ZGPAT: variants seen among roughly 807,000 people sequenced by gnomAD.
The protein encoded by ZGPAT is zinc finger CCCH-type with G patch domain-containing protein.
ZGPAT carries 39 observed loss-of-function variants against 47.9 expected under a neutral mutation model. The observed-to-expected ratio is 0.81, with a 90% CI of 0.63 to 1.06. The LOEUF (loss-of-function observed/expected upper bound fraction) is 1.06, where lower values mean the gene tolerates loss of function less well. ZGPAT is among the 50% of genes least tolerant of loss of function. The pLI, the probability that ZGPAT is intolerant of heterozygous loss-of-function variation, is 0.00. For synonymous variants in ZGPAT, 348 were observed against 292.9 expected, an observed-to-expected ratio of 1.19 and a Z score of -1.92; for missense variants, 717 against 681.4, an observed-to-expected ratio of 1.05 and a Z score of -0.58.
At chr20:63,733,459 G>A (rs901315094) in intron 3 of ZGPAT, 107 bp downstream of exon 3, 2 of 1,596,264 alleles carry the variant, frequency 1.3e-6, no homozygotes, top group African/African-American at 1.3e-5. Context: ...CGGGACTCTG[G>A]CTCTGGGCCC....
intron 2 of ZGPAT, among the ~76,000 whole-genome samples, chr20:63,714,478 T>G (rs142790050): frequency 7.2e-4 from 109 of 151,852 alleles, no homozygotes; most frequent in African/African-American, 2.3e-3. Context: ...ATCTTGTTCC[T>G]GATCTTAGGT....
chr20:63,711,966 C>G (rs537214625), intron 2 of ZGPAT, among the ~76,000 whole-genome samples: 1 of 152,194 alleles, frequency 6.6e-6, no homozygotes, highest in African/African-American at 2.4e-5. Context: ...TTTGGGTTGT[C>G]TTTTCACTTG....
At chr20:63,732,355 T>C (rs1601344979) in intron 2 of ZGPAT, among the ~76,000 whole-genome samples, 1 of 143,892 alleles carries the variant, frequency 6.9e-6, no homozygotes, top group Non-Finnish European at 1.5e-5. Flanking sequence ...GGTGTGTGTG[T>C]GCATGTGTCA....
chr20:63,733,114 C>T (rs2091939753), intron 2 of ZGPAT, 105 bp from the exon 3 acceptor site: 1 of 1,465,750 alleles, frequency 6.8e-7, no homozygotes, highest in Non-Finnish European at 9.2e-7. Context: ...GCGTGTGTGT[C>T]TGTCTCCCTC....
At chr20:63,730,674 G>A (rs766342861) in intron 2 of ZGPAT, among the ~76,000 whole-genome samples, 24 of 152,062 alleles carry the variant, frequency 1.6e-4, no homozygotes, top group Non-Finnish European at 3.4e-4. Flanking sequence ...TAGTAGAGAC[G>A]GGTTTCTCCA....
chr20:63,729,555 G>C (rs1301893570), intron 2 of ZGPAT, among the ~76,000 whole-genome samples: 2 of 152,232 alleles, frequency 1.3e-5, no homozygotes, highest in Admixed American at 1.3e-4. Context: ...CCCCATCTGT[G>C]ATGCTTCCTC....
chr20:63,710,062 A>T (rs767823310), intron 2 of ZGPAT, among the ~76,000 whole-genome samples: 23 of 151,582 alleles, frequency 1.5e-4, no homozygotes, highest in Admixed American at 5.3e-4. Flanking sequence ...GGGTTTCACC[A>T]TGTTAGCCAG....
At chr20:63,731,504 C>T (rs1366282934) in intron 2 of ZGPAT, among the ~76,000 whole-genome samples, 10 of 88,572 alleles carry the variant, frequency 1.1e-4, no homozygotes, top group African/African-American at 3.5e-4. Flanking sequence ...TACAATTGGC[C>T]CTTGGTGTGT....
chr20:63,733,612 C>T lies in ZGPAT; in HGVS notation c.744C>T (p.Val248=). ...ITDVDNGYYT[V]KFDSLLLREA... ...ATGTGGACAACGGCTACTACACAGT[C>T]AAGTTTGACTCGCTGCTGCTGAGGG... The change falls in exon 4 of 7, where the codon GTC becomes GTT. Residue 248 remains valine (V), a synonymous_variant. Coordinates refer to ENST00000355969, the MANE Select transcript of ZGPAT (RefSeq NM_181485.3). The T allele has an allele frequency of 6.2e-7, 1 of 1,614,124 alleles. No homozygotes were observed.
At chr20:63,723,360 A>C (rs113740455) in intron 2 of ZGPAT, among the ~76,000 whole-genome samples, 536 of 34,368 alleles carry the variant, frequency 0.016, no homozygotes, top group Admixed American at 0.018. Context: ...CCCTTCTCCT[A>C]TGACACAGCT....
Position 63,736,035 on chromosome 20 carries a change from G to A in ZGPAT, c.*116G>A. ...TGGCCTGGGGCGTGCAGACACTGCT[G>A]AGTGGAGACAGAGCTGCGGGGTCCC... is the stretch of plus-strand genomic sequence containing the variant. On this transcript the variant is annotated 3_prime_UTR_variant, in exon 7 of 7. Transcript: ENST00000355969. 1.4e-6 allele frequency: 2 copies of A among 1,429,056 alleles called. No homozygotes were observed. Among genetic ancestry groups the A allele is most frequent in the East Asian group, 4.8e-5 (2 of 41,456 alleles). 88.5% of individuals were successfully genotyped at this position (1,429,056 alleles called of 1,614,324 possible).
chr20:63,731,462 GTA>G (rs1488203570), intron 2 of ZGPAT, among the ~76,000 whole-genome samples: 2 of 106,848 alleles, frequency 1.9e-5, no homozygotes, highest in African/African-American at 2.7e-5. Context: ...TCCTTGGTGT[GTA>G]TGTGTGCATG....
chr20:63,731,928 G>A (rs955063944), intron 2 of ZGPAT, among the ~76,000 whole-genome samples: 1 of 152,230 alleles, frequency 6.6e-6, no homozygotes, highest in Non-Finnish European at 1.5e-5. Context: ...GTGGGAAGAT[G>A]TGCGTAGGTT....
chr20:63,734,725 G>T lies in ZGPAT; in HGVS notation c.892G>T (p.Asp298Tyr). ...YARVVGSDAV[D>Y]SGTCSSAFAG... ...TGCAGTGGTGGGGTCAGATGCTGTG[G>T]ACTCTGGGACCTGCAGCTCTGCCTT... The change falls in exon 5 of 7, where the codon GAC (aspartate) becomes TAC (tyrosine). Residue 298 changes from aspartate (D) to tyrosine (Y), a missense_variant. Physicochemically the swap from Asp to Tyr is radical, Grantham distance 160. Transcript: ENST00000355969. 3 of 1,614,082 alleles carry T rather than the reference G, an allele frequency of 1.9e-6. No individual in the cohort carries two copies. Among genetic ancestry groups the T allele is most frequent in the Non-Finnish European group, 2.5e-6 (3 of 1,179,958 alleles).
chr20:63,725,255 A>G (rs944732826), intron 2 of ZGPAT, among the ~76,000 whole-genome samples: 1 of 152,210 alleles, frequency 6.6e-6, no homozygotes, highest in Non-Finnish European at 1.5e-5. Context: ...AAGTGCTGGG[A>G]TTACAGGCGT....
At chr20:63,732,836 G>A (rs1489451166) in intron 2 of ZGPAT, among the ~76,000 whole-genome samples, 1 of 152,024 alleles carries the variant, frequency 6.6e-6, no homozygotes, top group Non-Finnish European at 1.5e-5. Flanking sequence ...GTGTGCCTGT[G>A]TGAGTGCATG....
intron 6 of ZGPAT, 23 bp downstream of exon 6, chr20:63,735,587 G>C (rs747228687): frequency 2.0e-6 from 3 of 1,511,826 alleles, no homozygotes; most frequent in Non-Finnish European, 2.7e-6. Context: ...CCCAGCTCAG[G>C]GCAAAGGGCG....
In ZGPAT at chr20:63,732,516, C is replaced by T. The variant is rs75779936; in HGVS notation, c.585-703C>T. On this transcript the variant is annotated intron_variant, in intron 2 of 6. Coordinates refer to ENST00000355969, the MANE Select transcript of ZGPAT (RefSeq NM_181485.3). The stretch of plus-strand genomic sequence containing the variant: ...GTGTGGGTGAGGGCACGTGTGCGCG[C>T]GTGTGGGTGAGATGGCGTGTGCGTA... 5.4e-3 allele frequency among the ~76,000 whole-genome samples: 789 copies of T among 147,468 alleles called. 7 individuals carry two copies. Among genetic ancestry groups the T allele is most frequent in the African/African-American group, 0.019 (759 of 40,608 alleles).
intron 2 of ZGPAT, among the ~76,000 whole-genome samples, chr20:63,716,997 A>G (rs1601323729): frequency 6.6e-6 from 1 of 151,848 alleles, no homozygotes; most frequent in African/African-American, 2.4e-5. Context: ...TTGTATTTTT[A>G]GTAGAGATGG....
Sources: allele counts gnomAD v4.1 joint callset (sites outside exome capture counted in the v4.1 genomes callset), GRCh38; gene constraint gnomAD v4.1.1; transcripts MANE v1.5; gene names NCBI Gene and HGNC (gene_info 2026-07-23, HGNC 2026-07-21).